SOS1: variants seen among roughly 807,000 people sequenced by gnomAD.
SOS1 encodes SOS Ras/Rac guanine nucleotide exchange factor 1, also known as son of sevenless homolog 1.
Under a neutral mutation model 157.6 loss-of-function variants are expected in SOS1, and 25 were observed. That is an observed-to-expected ratio of 0.16 (90% confidence interval 0.12 to 0.22). The LOEUF (loss-of-function observed/expected upper bound fraction) is 0.22. Among genes scored for constraint, SOS1 ranks in the 10% least tolerant of loss-of-function variants. SOS1 has a pLI of 1.00. For synonymous variants in SOS1, 528 were observed against 534.0 expected, an observed-to-expected ratio of 0.99 and a Z score of 0.16; for missense variants, 1,237 against 1,599.1, an observed-to-expected ratio of 0.77 and a Z score of 3.86.
chr2:39,079,642 G>A (rs192401252), intron 1 of SOS1, among the ~76,000 whole-genome samples: 1 of 151,740 alleles, frequency 6.6e-6, no homozygotes, highest in African/African-American at 2.4e-5. Flanking sequence ...TTACAGGCAC[G>A]TGCCACCATG....
chr2:39,045,705 TTTTA>T (rs1166690714), intron 6 of SOS1, among the ~76,000 whole-genome samples: 1 of 152,162 alleles, frequency 6.6e-6, no homozygotes, highest in Non-Finnish European at 1.5e-5. Flanking sequence ...TGGATTTTAT[TTTTA>T]TTTATTATTC....
At position 39,120,414 on chromosome 2, in the gene SOS1, C is replaced by T. The variant is rs566601513; in HGVS notation, c.9G>A (p.Ala3=). The change falls in exon 1 of 23, where the codon GCG becomes GCA. Residue 3 remains alanine, a synonymous_variant. Transcript: ENST00000402219. MQ[A]QQLPYEFFSE... ...TGAAAAACTCGTAGGGCAGCTGCTGCGCCTGCATGGTGCCCCCGGGGCGCC... is the reference window on the plus strand; with the variant it reads ...TGAAAAACTCGTAGGGCAGCTGCTGTGCCTGCATGGTGCCCCCGGGGCGCC... 5.0e-6 allele frequency: 8 copies of T among 1,590,526 alleles called. No homozygotes were observed. In the Admixed American group the frequency reaches 6.9e-5, roughly 14 times the overall value.
chr2:39,019,388 A>C (rs1455183006), intron 10 of SOS1, among the ~76,000 whole-genome samples: 1 of 151,508 alleles, frequency 6.6e-6, no homozygotes, highest in Non-Finnish European at 1.5e-5. Flanking sequence ...TGAAATTCCT[A>C]CTCTCAACTT....
At chr2:39,049,947 T>C (rs1267968047) in intron 6 of SOS1, among the ~76,000 whole-genome samples, 2 of 152,208 alleles carry the variant, frequency 1.3e-5, no homozygotes, top group East Asian at 3.8e-4. Flanking sequence ...TTTGAAACAA[T>C]TCATTGTCCT....
intron 6 of SOS1, among the ~76,000 whole-genome samples, chr2:39,039,329 T>C (rs1670473856): frequency 6.6e-6 from 1 of 152,222 alleles, no homozygotes; most frequent in South Asian, 2.1e-4. Flanking sequence ...TATGCATGAA[T>C]ATTTTTTAGA....
chr2:39,063,026 A>T (rs933786158), intron 2 of SOS1, among the ~76,000 whole-genome samples: 2 of 152,182 alleles, frequency 1.3e-5, no homozygotes, highest in Admixed American at 6.5e-5. Flanking sequence ...CCATGGTTCT[A>T]CATCTGTGGA....
intron 15 of SOS1, among the ~76,000 whole-genome samples, chr2:39,008,069 C>T (rs1461350367): frequency 1.3e-5 from 2 of 152,176 alleles, no homozygotes; most frequent in Non-Finnish European, 2.9e-5. Flanking sequence ...GGTGCAGGAG[C>T]AGGACTTCAG....
At chr2:39,015,628 C>T (rs188303882) in intron 10 of SOS1, among the ~76,000 whole-genome samples, 1 of 152,036 alleles carries the variant, frequency 6.6e-6, no homozygotes, top group East Asian at 1.9e-4. Context: ...CTACTCCCGT[C>T]TCTCCTTAAC....
chr2:38,997,521 C>A, intron 17 of SOS1, 96 bp from the exon 18 acceptor site: 1 of 764,362 alleles, frequency 1.3e-6, no homozygotes, highest in Non-Finnish European at 2.2e-6. Flanking sequence ...TGTACCATCT[C>A]AGTTGCCAAA....
intron 1 of SOS1, among the ~76,000 whole-genome samples, chr2:39,097,243 T>C (rs1195106638): frequency 6.6e-6 from 1 of 152,220 alleles, no homozygotes. Flanking sequence ...TACAAATATA[T>C]GCAAATTGAA....
chr2:39,027,527 A>C (rs1214457681), intron 8 of SOS1, among the ~76,000 whole-genome samples: 1 of 152,202 alleles, frequency 6.6e-6, no homozygotes, highest in Non-Finnish European at 1.5e-5. Context: ...GCTAATTTAA[A>C]CTTGGCACTG....
At chr2:39,091,315 C>T (rs1672587566) in intron 1 of SOS1, among the ~76,000 whole-genome samples, 1 of 152,030 alleles carries the variant, frequency 6.6e-6, no homozygotes, top group African/African-American at 2.4e-5. Context: ...ACCTTTGTAC[C>T]CTAGTTCCTG....
At chr2:39,017,387 A>G (rs968429323) in intron 10 of SOS1, among the ~76,000 whole-genome samples, 4 of 152,056 alleles carry the variant, frequency 2.6e-5, no homozygotes, top group African/African-American at 9.7e-5. Flanking sequence ...GGCACCAGAA[A>G]GTCACTGAAA....
intron 14 of SOS1, 103 bp from the exon 15 acceptor site, chr2:39,010,806 C>G: frequency 2.2e-6 from 2 of 911,156 alleles, no homozygotes; most frequent in Non-Finnish European, 3.5e-6. Flanking sequence ...CTCATATGAA[C>G]TTTCCTCTTA....
At chr2:39,105,646 C>T (rs1248718599) in intron 1 of SOS1, among the ~76,000 whole-genome samples, 1 of 152,162 alleles carries the variant, frequency 6.6e-6, no homozygotes, top group South Asian at 2.1e-4. Flanking sequence ...AACTGTAATC[C>T]TAGCACTTTG....
At chr2:38,991,320 A>G (rs551753266) in intron 20 of SOS1, among the ~76,000 whole-genome samples, 15 of 152,278 alleles carry the variant, frequency 9.9e-5, no homozygotes, top group East Asian at 1.9e-4. Flanking sequence ...ACCTACAGCA[A>G]TCTTCCAGGA....
intron 10 of SOS1, among the ~76,000 whole-genome samples, chr2:39,017,773 G>A (rs10194374): frequency 0.93 from 141,897 of 152,064 alleles, 66,322 homozygotes; most frequent in African/African-American, 0.97. Flanking sequence ...AGACGACAAA[G>A]TACTTATATT....
chr2:39,035,239 G>A lies in SOS1; in HGVS notation c.1047C>T (p.His349=), dbSNP rs1043516636. 6 of 1,612,844 alleles carry A rather than the reference G, an allele frequency of 3.7e-6. No individual in the cohort carries two copies. Among genetic ancestry groups the A allele is most frequent in the African/African-American group, 2.7e-5 (2 of 74,890 alleles). Residue 349 remains histidine (H), a synonymous_variant, in exon 8 of 23, where the codon CAC becomes CAT. Transcript: ENST00000402219. ...TCAAAAGTTCAAAGTAATGGAGACA[G>A]TGGTAAACAGGGGCCAGAAGCAGCC... The part of the protein sequence containing the change: ...LPRLLLAPVY[H]CLHYFELLKQ...
At chr2:39,096,948 G>A (rs1672787951) in intron 1 of SOS1, among the ~76,000 whole-genome samples, 2 of 151,556 alleles carry the variant, frequency 1.3e-5, no homozygotes, top group Non-Finnish European at 2.9e-5. Context: ...ATAAAGAATT[G>A]CCAGAAATAA....
Sources: gnomAD v4.1 joint callset for allele counts (sites outside exome capture counted in the v4.1 genomes callset) on GRCh38, gnomAD v4.1.1 for gene constraint, MANE v1.5 for transcripts, NCBI Gene and HGNC (gene_info 2026-07-23, HGNC 2026-07-21) for gene names.